PCNX2: variants seen among roughly 807,000 people sequenced by gnomAD.
PCNX2 encodes pecanex-like protein 2.
Under a neutral mutation model 223.8 loss-of-function variants are expected in PCNX2, and 168 were observed. The ratio of observed to expected loss-of-function variants is 0.75; its 90% CI spans 0.66 to 0.85. The LOEUF is 0.85. Ranked by LOEUF, PCNX2 falls within the 40% of genes least tolerant of loss-of-function variation. The pLI, the probability that PCNX2 is intolerant of heterozygous loss-of-function variation, is 0.00. For missense variants in PCNX2, 2,507 were observed against 2,675.5 expected (o/e 0.94, Z 1.39); for synonymous variants, 1,006 against 1,052.6 (o/e 0.96, Z 0.86).
At chr1:233,278,434 C>T (rs951315717) in intron 1 of PCNX2, among the ~76,000 whole-genome samples, 5 of 152,144 alleles carry the variant, frequency 3.3e-5, no homozygotes, top group African/African-American at 9.7e-5. Context: ...GAGGATCCTG[C>T]AGCAGTGACA....
intron 8 of PCNX2, among the ~76,000 whole-genome samples, chr1:233,243,873 C>T (rs1658939242): frequency 6.6e-6 from 1 of 151,850 alleles, no homozygotes; most frequent in African/African-American, 2.4e-5. Flanking sequence ...GCTCTGTTGC[C>T]CTGGCTGGAG....
chr1:233,157,392 AG>A (rs1369791233), intron 19 of PCNX2, among the ~76,000 whole-genome samples: 1 of 152,236 alleles, frequency 6.6e-6, no homozygotes, highest in Non-Finnish European at 1.5e-5. Flanking sequence ...ACTCTAAGAC[AG>A]GGGCAGCACA....
At chr1:233,125,264 C>T (rs1403427721) in intron 21 of PCNX2, among the ~76,000 whole-genome samples, 3 of 152,102 alleles carry the variant, frequency 2.0e-5, no homozygotes, top group Non-Finnish European at 2.9e-5. Context: ...TCTATTATAC[C>T]GTACTTAATT....
At chr1:233,281,020 T>C (rs1176105036) in intron 1 of PCNX2, among the ~76,000 whole-genome samples, 2 of 152,192 alleles carry the variant, frequency 1.3e-5, no homozygotes, top group Non-Finnish European at 2.9e-5. Flanking sequence ...TACGGAATAA[T>C]AAATTCAGAT....
chr1:233,015,813 G>T (rs1464655733), intron 27 of PCNX2, among the ~76,000 whole-genome samples: 1 of 152,010 alleles, frequency 6.6e-6, no homozygotes, highest in Non-Finnish European at 1.5e-5. Context: ...GTTTGAGGCT[G>T]CAATAAGCTA....
intron 15 of PCNX2, among the ~76,000 whole-genome samples, chr1:233,183,939 T>A (rs2102866806): frequency 6.6e-6 from 1 of 152,346 alleles, no homozygotes; most frequent in East Asian, 1.9e-4. Context: ...GGCTCTTCCA[T>A]CCTTACATTG....
intron 5 of PCNX2, among the ~76,000 whole-genome samples, chr1:233,255,135 G>C (rs1659660932): frequency 6.6e-6 from 1 of 152,154 alleles, no homozygotes. Context: ...TAGGAAGTCA[G>C]ACCACTATTT....
At chr1:233,179,985 G>T (rs2102860164) in intron 15 of PCNX2, among the ~76,000 whole-genome samples, 1 of 152,364 alleles carries the variant, frequency 6.6e-6, no homozygotes, top group South Asian at 2.1e-4. Context: ...GCCAGACACA[G>T]CAGTAAGGAC....
chr1:233,295,952 TTCTCTC>T (rs1553334178), upstream of PCNX2, among the ~76,000 whole-genome samples: 6 of 145,028 alleles, frequency 4.1e-5, no homozygotes, highest in South Asian at 1.4e-3. This position sits in a 1 kb window ranked among gnomAD's most constrained non-coding sequence, Gnocchi z 4.1. Flanking sequence ...CTTCCTTCCT[TTCTCTC>T]TCTCTCTCTC....
At chr1:233,216,672 T>C (rs1656941297) in intron 12 of PCNX2, among the ~76,000 whole-genome samples, 2 of 152,176 alleles carry the variant, frequency 1.3e-5, no homozygotes, top group Admixed American at 6.5e-5. Context: ...TTTTTAATTC[T>C]ATTTGAATAT....
chr1:233,049,437 C>A (rs777651905), intron 25 of PCNX2, among the ~76,000 whole-genome samples: 11 of 152,112 alleles, frequency 7.2e-5, no homozygotes, highest in African/African-American at 1.2e-4. Flanking sequence ...AATTCAACAT[C>A]CTTTCATGGT....
intron 32 of PCNX2, among the ~76,000 whole-genome samples, chr1:232,995,084 C>T (rs757153069): frequency 6.6e-6 from 1 of 152,154 alleles, no homozygotes; most frequent in Non-Finnish European, 1.5e-5. Context: ...TGAAAGTACT[C>T]AGGATGGTGT....
intron 26 of PCNX2, chr1:233,018,738 G>A: frequency 4.1e-6 from 4 of 984,250 alleles, no homozygotes; most frequent in Non-Finnish European, 4.8e-6. Flanking sequence ...AGGCTGAGGG[G>A]CACCCCTGGA....
intron 22 of PCNX2, among the ~76,000 whole-genome samples, chr1:233,092,862 C>T (rs1020311473): frequency 1.3e-5 from 2 of 152,180 alleles, no homozygotes; most frequent in African/African-American, 4.8e-5. Flanking sequence ...GCGGTGGCAC[C>T]ATCTCAGCTC....
Position 233,241,186 on chromosome 1 carries a change from G to T in PCNX2, c.2223-4206C>A, listed in dbSNP as rs1658740190. Reference sequence around the variant, plus strand: ...TGTTCAATTCTCCTTTTATGTGACAGTAAAATTTGTGTGAGTATCGGAGAA... The same window carrying T: ...TGTTCAATTCTCCTTTTATGTGACATTAAAATTTGTGTGAGTATCGGAGAA... On this transcript the variant is annotated intron_variant, in intron 8 of 33. Transcript: ENST00000258229. 3 of 985,396 alleles carry T rather than the reference G, an allele frequency of 3.0e-6. No individual in the cohort carries two copies. In the Admixed American group the frequency reaches 1.8e-4, roughly 60 times the overall value. 61.0% of individuals were successfully genotyped at this position (985,396 alleles called of 1,614,324 possible). A position where few individuals can be genotyped will look rare whatever the true frequency, so the allele number is the denominator to read the frequency against.
At chr1:233,047,213 C>T (rs1163474491) in intron 25 of PCNX2, 1 of 256,282 alleles carries the variant, frequency 3.9e-6, no homozygotes, top group Non-Finnish European at 6.1e-6. Flanking sequence ...GGAAATAATA[C>T]AGCATTGCTA....
At chr1:233,282,852 TC>T (rs1238534843) in intron 1 of PCNX2, among the ~76,000 whole-genome samples, 2 of 152,184 alleles carry the variant, frequency 1.3e-5, no homozygotes, top group Admixed American at 6.5e-5. Flanking sequence ...AATTATTAAA[TC>T]AGCAAGGACG....
At chr1:233,077,978 A>G (rs983370732) in intron 23 of PCNX2, among the ~76,000 whole-genome samples, 1 of 152,244 alleles carries the variant, frequency 6.6e-6, no homozygotes, top group African/African-American at 2.4e-5. Flanking sequence ...GTATATTCAC[A>G]TTATATATTA....
At chr1:233,289,542 T>C (rs1661640056) in intron 1 of PCNX2, 1 of 646,000 alleles carries the variant, frequency 1.5e-6, no homozygotes, top group South Asian at 1.9e-5. Context: ...TCGCCTGAAA[T>C]ACAACTCTGC....
Sources: gnomAD v4.1 joint callset for allele counts (sites outside exome capture counted in the v4.1 genomes callset) on GRCh38, gnomAD v4.1.1 for gene constraint, Gnocchi (gnomAD v3.1) non-coding constraint, MANE v1.5 for transcripts, NCBI Gene and HGNC (gene_info 2026-07-23, HGNC 2026-07-21) for gene names.